Variants in FRMD4B observed in about 807,000 individuals in gnomAD.
The protein encoded by FRMD4B is FERM domain-containing protein 4B.
A neutral mutation model predicts 141.5 loss-of-function variants in FRMD4B; 74 were observed. The ratio of observed to expected loss-of-function variants is 0.52; its 90% CI spans 0.43 to 0.63. The LOEUF (loss-of-function observed/expected upper bound fraction) is 0.63. Ranked by LOEUF, FRMD4B falls within the 30% of genes least tolerant of loss-of-function variation. FRMD4B has a pLI of 0.00. For synonymous variants in FRMD4B, 506 were observed against 467.9 expected (o/e 1.08, Z -1.05); for missense variants, 1,366 against 1,253.4 (o/e 1.09, Z -1.36).
intron 3 of FRMD4B, 67 bp downstream of exon 3, chr3:69,311,196 T>G: frequency 1.4e-6 from 1 of 707,396 alleles, no homozygotes; most frequent in East Asian, 2.6e-5. Flanking sequence ...TTTTTGTTAA[T>G]TATGGAAGAC....
chr3:69,183,668 A>G (rs1031665647), intron 19 of FRMD4B, among the ~76,000 whole-genome samples: 3 of 150,892 alleles, frequency 2.0e-5, no homozygotes, highest in African/African-American at 7.3e-5. Context: ...AGTTTTAGTA[A>G]AGACAGGGTT....
At chr3:69,204,084 A>G (rs1007068997) in intron 11 of FRMD4B, among the ~76,000 whole-genome samples, 2 of 152,020 alleles carry the variant, frequency 1.3e-5, no homozygotes, top group African/African-American at 4.8e-5. Context: ...GAGGACATAA[A>G]TGGGGAGGGA....
intron 11 of FRMD4B, among the ~76,000 whole-genome samples, chr3:69,206,984 C>T (rs1471065578): frequency 6.6e-6 from 1 of 152,052 alleles, no homozygotes; most frequent in East Asian, 1.9e-4. Flanking sequence ...CCCAAACCAG[C>T]CAATCATTGG....
intron 1 of FRMD4B, among the ~76,000 whole-genome samples, chr3:69,517,559 T>C (rs533459516): frequency 2.3e-4 from 35 of 152,288 alleles, no homozygotes; most frequent in African/African-American, 8.4e-4. Flanking sequence ...TTCAAAGGCT[T>C]CATGTGTAAG....
At chr3:69,268,931 T>TC (rs2106917337) in intron 5 of FRMD4B, among the ~76,000 whole-genome samples, 2 of 151,254 alleles carry the variant, frequency 1.3e-5, no homozygotes, top group African/African-American at 4.9e-5. Flanking sequence ...GATGAGAATT[T>TC]TTTTTTTTTT....
intron 1 of FRMD4B, among the ~76,000 whole-genome samples, chr3:69,477,000 CTGTT>C (rs1363796714): frequency 2.6e-5 from 4 of 152,026 alleles, no homozygotes; most frequent in African/African-American, 4.8e-5. Context: ...ATTTGGCTCT[CTGTT>C]TGTCTGTTTT....
intron 12 of FRMD4B, 156 bp downstream of exon 12, chr3:69,198,542 A>C: frequency 1.6e-6 from 1 of 609,886 alleles, no homozygotes; most frequent in East Asian, 2.8e-5. Context: ...TCAGAGGGTT[A>C]AAGATAGTTA....
At chr3:69,529,186 C>G (rs1440136403) in intron 1 of FRMD4B, among the ~76,000 whole-genome samples, 5 of 152,206 alleles carry the variant, frequency 3.3e-5, no homozygotes, top group Non-Finnish European at 7.3e-5. Context: ...TAGTCCGTTG[C>G]TGCCATGTGA....
At chr3:69,537,287 T>C (rs1163778092) in intron 1 of FRMD4B, among the ~76,000 whole-genome samples, 1 of 152,188 alleles carries the variant, frequency 6.6e-6, no homozygotes, top group Non-Finnish European at 1.5e-5. Context: ...ACTGGAAAAC[T>C]GTACGTAAAG....
At chr3:69,497,384 T>C (rs1457624531) in intron 1 of FRMD4B, among the ~76,000 whole-genome samples, 1 of 152,160 alleles carries the variant, frequency 6.6e-6, no homozygotes, top group Admixed American at 6.5e-5. Context: ...AGAGCACCTA[T>C]CATGGTGTTT....
intron 21 of FRMD4B, among the ~76,000 whole-genome samples, chr3:69,179,207 G>T (rs2107584692): frequency 6.6e-6 from 1 of 152,182 alleles, no homozygotes; most frequent in East Asian, 1.9e-4. Flanking sequence ...CTCACACCAG[G>T]TCTGAAACAG....
At chr3:69,201,708 C>T (rs1051399380) in intron 11 of FRMD4B, among the ~76,000 whole-genome samples, 2 of 152,066 alleles carry the variant, frequency 1.3e-5, no homozygotes, top group African/African-American at 2.4e-5. Flanking sequence ...TCTTCATATC[C>T]GAGGGCCAGG....
chr3:69,424,746 A>G (rs1705049675), intron 2 of FRMD4B, among the ~76,000 whole-genome samples: 1 of 152,238 alleles, frequency 6.6e-6, no homozygotes, highest in Non-Finnish European at 1.5e-5. Context: ...AAATCCCAAT[A>G]TGGGATTTAA....
At chr3:69,253,181 CTATTTT>C (rs1367182422) in intron 5 of FRMD4B, among the ~76,000 whole-genome samples, 4 of 121,952 alleles carry the variant, frequency 3.3e-5, no homozygotes, top group Non-Finnish European at 5.1e-5. Context: ...AATATGATTC[CTATTTT>C]TTTTTTTTTT....
rs146393641 is a variant in FRMD4B at position 69,175,673 on chromosome 3, A to G, written c.2984+851T>C. ...CACTAATAGGATTTCAAGTACCATA[A>G]TTTAAAAAATAAAAGCTTCAGACTC... On this transcript the variant is annotated intron_variant, in intron 22 of 22. Transcript: ENST00000398540. 2.5e-3 allele frequency among the ~76,000 whole-genome samples: 374 copies of G among 152,324 alleles called. 4 individuals carry two copies. The highest frequency in any genetic ancestry group is 0.013 in the East Asian group (66 of 5,192).
chr3:69,289,776 G>A (rs976244652), intron 4 of FRMD4B, among the ~76,000 whole-genome samples: 2 of 152,006 alleles, frequency 1.3e-5, no homozygotes, highest in African/African-American at 2.4e-5. Flanking sequence ...CTGCAGCCTG[G>A]GCAACAGAGG....
chr3:69,510,093 A>T (rs1472549933), intron 1 of FRMD4B, among the ~76,000 whole-genome samples: 1 of 151,946 alleles, frequency 6.6e-6, no homozygotes, highest in Non-Finnish European at 1.5e-5. Flanking sequence ...GTGCCTCCCA[A>T]GGTCTCTGTT....
chr3:69,192,730 T>C (rs1199694098), intron 17 of FRMD4B, among the ~76,000 whole-genome samples: 1 of 152,232 alleles, frequency 6.6e-6, no homozygotes, highest in African/African-American at 2.4e-5. Flanking sequence ...AAAATTGGGA[T>C]CATGTTGTGG....
chr3:69,347,137 G>T (rs1438089335), intron 1 of FRMD4B, among the ~76,000 whole-genome samples: 2 of 152,058 alleles, frequency 1.3e-5, no homozygotes, highest in Non-Finnish European at 2.9e-5. Context: ...ATGAATGAAG[G>T]TCTACGAAGC....
Sources: gnomAD v4.1 joint callset for allele counts (sites outside exome capture counted in the v4.1 genomes callset) on GRCh38, gnomAD v4.1.1 for gene constraint, MANE v1.5 for transcripts, NCBI Gene and HGNC (gene_info 2026-07-23, HGNC 2026-07-21) for gene names.